Variants in ADAM12 observed in about 807,000 individuals in gnomAD.
ADAM12 encodes the protein ADAM metallopeptidase domain 12.
A neutral mutation model predicts 106.4 loss-of-function variants in ADAM12; 70 were observed. The ratio of observed to expected loss-of-function variants is 0.66; its 90% CI spans 0.54 to 0.80. The LOEUF is 0.80. Among genes scored for constraint, ADAM12 ranks in the 30% least tolerant of loss-of-function variants. The pLI is 0.00. For synonymous variants in ADAM12, 420 were observed against 433.5 expected (o/e 0.97, Z 0.39); for missense variants, 1,010 against 1,171.9 (o/e 0.86, Z 2.02).
rs1953626338 is a variant in ADAM12, at chr10:126,014,482, T to C, written c.*2797A>G. On this transcript the variant is annotated 3_prime_UTR_variant, in exon 23 of 23. Coordinates refer to ENST00000448723, the MANE Select transcript of ADAM12 (RefSeq NM_001288973.2). The stretch of plus-strand genomic sequence containing the variant: ...ACTCTCCTACAGTTTAATTTGCTGC[T>C]TTTGTGGTTTCTGTGATGTCATCCC... 1 of 150,976 alleles carries C rather than the reference T, an allele frequency of 6.6e-6. No homozygotes were observed. The highest frequency in any genetic ancestry group is 6.6e-5 in the Admixed American group (1 of 15,108). The allele number at this position is 150,976 out of a possible 1,614,324, so 9.4% of individuals were successfully genotyped here.
intron 21 of ADAM12, among the ~76,000 whole-genome samples, chr10:126,020,984 CTCTG>C (rs1377678283): frequency 1.9e-5 from 2 of 103,450 alleles, no homozygotes; most frequent in Non-Finnish European, 3.8e-5. Context: ...CAGAGTGAGA[CTCTG>C]TCTCAAAAAA....
At chr10:126,081,899 G>A (rs1013583617) in intron 11 of ADAM12, among the ~76,000 whole-genome samples, 4 of 152,216 alleles carry the variant, frequency 2.6e-5, no homozygotes, top group Non-Finnish European at 5.9e-5. Flanking sequence ...TGTAGTACTT[G>A]TAGCCAAAAT....
At chr10:126,292,469 G>A (rs1325933282) in intron 2 of ADAM12, among the ~76,000 whole-genome samples, 2 of 152,082 alleles carry the variant, frequency 1.3e-5, no homozygotes, top group Non-Finnish European at 2.9e-5. Context: ...ATTGTTCCCT[G>A]AGCTGTTTTA....
chr10:126,307,537 TTTC>T (rs1482790915), intron 2 of ADAM12, among the ~76,000 whole-genome samples: 1 of 152,038 alleles, frequency 6.6e-6, no homozygotes, highest in East Asian at 1.9e-4. Flanking sequence ...ATTTTTTTCT[TTTC>T]TTTTCTTTTT....
chr10:126,233,908 A>C (rs1958363576), intron 3 of ADAM12, among the ~76,000 whole-genome samples: 1 of 152,208 alleles, frequency 6.6e-6, no homozygotes, highest in South Asian at 2.1e-4. Flanking sequence ...GTATCCCCTA[A>C]GGTTCTATAA....
intron 2 of ADAM12, among the ~76,000 whole-genome samples, chr10:126,284,796 T>C (rs1285632299): frequency 6.6e-6 from 1 of 152,214 alleles, no homozygotes; most frequent in Admixed American, 6.5e-5. Flanking sequence ...TGTTTGGCAG[T>C]GTGGCCATTG....
chr10:126,267,853 A>G (rs1445572374), intron 3 of ADAM12, among the ~76,000 whole-genome samples: 2 of 152,068 alleles, frequency 1.3e-5, no homozygotes, highest in Non-Finnish European at 2.9e-5. Context: ...AGAAACTATC[A>G]CCGTCTTCCT....
chr10:126,242,212 T>G (rs1299200557), intron 3 of ADAM12, among the ~76,000 whole-genome samples: 1 of 152,234 alleles, frequency 6.6e-6, no homozygotes, highest in Non-Finnish European at 1.5e-5. Flanking sequence ...CAGCAGATCC[T>G]AACACTTTAG....
intron 2 of ADAM12, among the ~76,000 whole-genome samples, chr10:126,306,720 T>C (rs1299647013): frequency 1.3e-5 from 2 of 152,230 alleles, no homozygotes; most frequent in African/African-American, 4.8e-5. Context: ...CGGTTTCTAT[T>C]GAAATGTCAA....
intron 5 of ADAM12, among the ~76,000 whole-genome samples, chr10:126,123,205 G>A (rs1956144418): frequency 6.6e-6 from 1 of 152,154 alleles, no homozygotes; most frequent in Non-Finnish European, 1.5e-5. Flanking sequence ...CAAAATTGAA[G>A]CATTCAGGGT....
At chr10:126,301,660 G>A (rs1399725788) in intron 2 of ADAM12, among the ~76,000 whole-genome samples, 1 of 152,090 alleles carries the variant, frequency 6.6e-6, no homozygotes, top group Non-Finnish European at 1.5e-5. Flanking sequence ...AGACTTGTAG[G>A]ATGTGACCAG....
At chr10:126,090,644 C>T (rs1382863639) in intron 11 of ADAM12, 1 of 152,122 alleles carries the variant, frequency 6.6e-6, no homozygotes, top group East Asian at 1.9e-4. Context: ...CACTTAAAGC[C>T]TTGCAGTAAT....
At chr10:126,369,114 C>T (rs1856018832) in intron 1 of ADAM12, among the ~76,000 whole-genome samples, 1 of 152,112 alleles carries the variant, frequency 6.6e-6, no homozygotes, top group Admixed American at 6.5e-5. Flanking sequence ...TATTTGGATA[C>T]ATGGTATTTT....
At chr10:126,293,717 C>T (rs1960253347) in intron 2 of ADAM12, among the ~76,000 whole-genome samples, 1 of 152,122 alleles carries the variant, frequency 6.6e-6, no homozygotes, top group South Asian at 2.1e-4. Flanking sequence ...GACAGGGTTG[C>T]ACCATGTTGG....
chr10:126,093,607 C>G (rs1470595160), intron 11 of ADAM12, among the ~76,000 whole-genome samples: 1 of 152,216 alleles, frequency 6.6e-6, no homozygotes, highest in Non-Finnish European at 1.5e-5. Context: ...TACATGTGGC[C>G]CATCTCCACT....
intron 3 of ADAM12, among the ~76,000 whole-genome samples, chr10:126,190,768 G>A (rs1204119474): frequency 6.6e-6 from 1 of 152,124 alleles, no homozygotes; most frequent in African/African-American, 2.4e-5. Flanking sequence ...AAGCTGGAAG[G>A]TGCTGGCCTT....
intron 3 of ADAM12, among the ~76,000 whole-genome samples, chr10:126,220,922 G>C (rs1173606330): frequency 6.6e-6 from 1 of 152,228 alleles, no homozygotes; most frequent in Non-Finnish European, 1.5e-5. Flanking sequence ...TCTCCAGCAG[G>C]CCACATGGAG....
chr10:126,044,163 A>G (rs905771030), intron 17 of ADAM12, among the ~76,000 whole-genome samples: 1 of 152,156 alleles, frequency 6.6e-6, no homozygotes, highest in African/African-American at 2.4e-5. Flanking sequence ...AAGTCCAGGC[A>G]CGGTGGCTCA....
chr10:126,123,872 G>C (rs570625648), intron 5 of ADAM12, among the ~76,000 whole-genome samples: 27 of 152,088 alleles, frequency 1.8e-4, no homozygotes, highest in Admixed American at 4.6e-4. Context: ...GAAAACCAGC[G>C]GCCTTCCTTT....
Sources: allele counts gnomAD v4.1 joint callset (sites outside exome capture counted in the v4.1 genomes callset), GRCh38; gene constraint gnomAD v4.1.1; transcripts MANE v1.5; gene names NCBI Gene and HGNC (gene_info 2026-07-23, HGNC 2026-07-21).